The following PIGL variants were observed in gnomAD, a reference collection of about 807,000 sequenced individuals.
PIGL encodes phosphatidylinositol glycan anchor biosynthesis class L, also known as N-acetylglucosaminyl-phosphatidylinositol de-N-acetylase.
Under a neutral mutation model 31.1 loss-of-function variants are expected in PIGL, and 22 were observed. The observed-to-expected ratio is 0.71, with a 90% confidence interval of 0.51 to 1.01. The LOEUF (loss-of-function observed/expected upper bound fraction) is 1.01. PIGL is among the 50% of genes least tolerant of loss of function. The pLI, the probability that PIGL is intolerant of heterozygous loss-of-function variation, is 0.00. For missense variants in PIGL, 302 were observed against 315.9 expected, an observed-to-expected ratio of 0.96 and a Z score of 0.33; for synonymous variants, 131 against 117.4, an observed-to-expected ratio of 1.12 and a Z score of -0.75.
At chr17:16,300,542 G>A (rs936201684) in intron 3 of PIGL, among the ~76,000 whole-genome samples, 6 of 152,090 alleles carry the variant, frequency 3.9e-5, no homozygotes, top group East Asian at 3.9e-4. Flanking sequence ...TTAGCCGGGC[G>A]TGGTGGCATG....
chr17:16,283,039 G>T (rs567518067), intron 2 of PIGL, among the ~76,000 whole-genome samples: 69 of 150,890 alleles, frequency 4.6e-4, no homozygotes, highest in African/African-American at 1.6e-3. Context: ...TTCTCACTCT[G>T]TTGCCCAGGT....
intron 2 of PIGL, among the ~76,000 whole-genome samples, chr17:16,276,443 T>C (rs557386590): frequency 6.6e-6 from 1 of 152,326 alleles, no homozygotes; most frequent in Non-Finnish European, 1.5e-5. Context: ...CTGATAAGAC[T>C]AGACTCTGGC....
rs991315290 is a variant in PIGL at position 16,266,345 on chromosome 17, C to T, written c.335+32275C>T. Among the ~76,000 whole-genome samples, 70 of 141,120 alleles carry T rather than the reference C, an allele frequency of 5.0e-4. 2 individuals carry two copies. Among genetic ancestry groups the T allele is most frequent in the South Asian group, 4.7e-4 (2 of 4,278 alleles). The allele number at this position is 141,120 out of a possible 152,430, so 92.6% of individuals were successfully genotyped here. The stretch of plus-strand genomic sequence containing the variant: ...GGGAGCTTGCAGTGAGCCGAGATCG[C>T]GCCATTGCACTCCAGACTGGGCAAC... On this transcript the variant is annotated intron_variant, in intron 2 of 6. Transcript: ENST00000225609.
chr17:16,283,558 C>T (rs954426487), intron 2 of PIGL, among the ~76,000 whole-genome samples: 3 of 152,138 alleles, frequency 2.0e-5, no homozygotes, highest in African/African-American at 7.2e-5. Context: ...CCGTGGCTCA[C>T]ACCTGTAATC....
Position 16,247,762 on chromosome 17 carries a change from G to A in PIGL, c.335+13692G>A, listed in dbSNP as rs76000879. 9.7e-3 allele frequency among the ~76,000 whole-genome samples: 1,475 copies of A among 152,258 alleles called. 22 individuals carry two copies. Among genetic ancestry groups the A allele is most frequent in the East Asian group, 0.049 (256 of 5,182 alleles). On this transcript the variant is annotated intron_variant, in intron 2 of 6. Transcript: ENST00000225609. ...CCAGCAGGCTTCTTTCGTCCCACCC[G>A]ATTTTTTCTTTCTCCTGGCTGTTAT...
At chr17:16,296,862 G>A (rs533936030) in intron 2 of PIGL, among the ~76,000 whole-genome samples, 95 of 151,408 alleles carry the variant, frequency 6.3e-4, no homozygotes, top group African/African-American at 2.2e-3. Flanking sequence ...GACTACAGGC[G>A]CCCGCCACCA....
intron 2 of PIGL, among the ~76,000 whole-genome samples, chr17:16,293,653 TA>T (rs2142823427): frequency 6.6e-6 from 1 of 152,366 alleles, no homozygotes; most frequent in South Asian, 2.1e-4. Context: ...TAGTGCTTGT[TA>T]AACCCCCTAA....
intron 2 of PIGL, among the ~76,000 whole-genome samples, chr17:16,246,563 G>A (rs1264685630): frequency 6.6e-6 from 1 of 151,442 alleles, no homozygotes; most frequent in South Asian, 2.1e-4. Flanking sequence ...CAAGAAAAAT[G>A]CATCTTAGTC....
At chr17:16,240,882 T>TG (rs71150282) in intron 2 of PIGL, among the ~76,000 whole-genome samples, 39 of 150,022 alleles carry the variant, frequency 2.6e-4, no homozygotes, top group Admixed American at 5.3e-4. Context: ...GCCGAGGGGG[T>TG]GGGGGGCAGA....
chr17:16,221,315 G>A (rs2092627750), intron 1 of PIGL, among the ~76,000 whole-genome samples: 2 of 152,040 alleles, frequency 1.3e-5, no homozygotes, highest in South Asian at 4.1e-4. Flanking sequence ...TCCTATAGTT[G>A]CAATATAAAA....
chr17:16,298,715 A>G (rs941207248), intron 2 of PIGL, among the ~76,000 whole-genome samples: 1 of 152,216 alleles, frequency 6.6e-6, no homozygotes, highest in Non-Finnish European at 1.5e-5. Flanking sequence ...CAAACAAGCT[A>G]CTTAACTTCA....
chr17:16,229,016 A>G (rs943541737), intron 1 of PIGL, among the ~76,000 whole-genome samples: 1 of 152,180 alleles, frequency 6.6e-6, no homozygotes, highest in African/African-American at 2.4e-5. Flanking sequence ...CACACCTGTA[A>G]TCCCAGCACT....
At chr17:16,323,821 GT>G (rs1464778416) in intron 6 of PIGL, among the ~76,000 whole-genome samples, 1 of 151,664 alleles carries the variant, frequency 6.6e-6, no homozygotes, top group African/African-American at 2.4e-5. Flanking sequence ...GTTTCACTAT[GT>G]TGGCCAGGCT....
chr17:16,256,849 G>A (rs1356604315), intron 2 of PIGL, among the ~76,000 whole-genome samples: 1 of 151,900 alleles, frequency 6.6e-6, no homozygotes, highest in Admixed American at 6.6e-5. Flanking sequence ...TACCACACTA[G>A]GGTAATTTTT....
intron 2 of PIGL, among the ~76,000 whole-genome samples, chr17:16,271,046 CAT>C (rs1352052733): frequency 3.9e-5 from 6 of 152,076 alleles, no homozygotes. Flanking sequence ...CTAAAGAAGT[CAT>C]AGAATGTATG....
chr17:16,290,884 TGCCCA>T (rs1343231513), intron 2 of PIGL, among the ~76,000 whole-genome samples: 2 of 152,148 alleles, frequency 1.3e-5, no homozygotes, highest in Non-Finnish European at 2.9e-5. Context: ...CTCACTATGT[TGCCCA>T]GGCTGGTCTT....
intron 2 of PIGL, among the ~76,000 whole-genome samples, chr17:16,250,698 T>C (rs1173573132): frequency 6.6e-6 from 1 of 152,218 alleles, no homozygotes; most frequent in African/African-American, 2.4e-5. Flanking sequence ...AAACTACTAC[T>C]GTCAGTGCCA....
At chr17:16,265,894 G>C (rs2092840504) in intron 2 of PIGL, among the ~76,000 whole-genome samples, 1 of 152,018 alleles carries the variant, frequency 6.6e-6, no homozygotes, top group Non-Finnish European at 1.5e-5. Flanking sequence ...TAAAAGTCCT[G>C]AGTATCCTGT....
chr17:16,296,420 G>A (rs982989939), intron 2 of PIGL, among the ~76,000 whole-genome samples: 1 of 151,958 alleles, frequency 6.6e-6, no homozygotes, highest in Non-Finnish European at 1.5e-5. Flanking sequence ...GACCAGCCTG[G>A]CCAATATGGT....
Sources: gnomAD v4.1 joint callset for allele counts (sites outside exome capture counted in the v4.1 genomes callset) on GRCh38, gnomAD v4.1.1 for gene constraint, MANE v1.5 for transcripts, NCBI Gene and HGNC (gene_info 2026-07-23, HGNC 2026-07-21) for gene names.